The following PCDHA8 variants were observed in gnomAD, a reference collection of about 807,000 sequenced individuals.
PCDHA8 encodes protocadherin alpha-8.
Under a neutral mutation model 61.8 loss-of-function variants are expected in PCDHA8, and 53 were observed. The ratio of observed to expected loss-of-function variants is 0.86; its 90% CI spans 0.69 to 1.08. The LOEUF is 1.08. Among genes scored for constraint, PCDHA8 ranks in the 50% least tolerant of loss-of-function variants. The pLI is 0.00. For synonymous variants in PCDHA8, 618 were observed against 556.6 expected (o/e 1.11, Z -1.55); for missense variants, 1,293 against 1,245.0 (o/e 1.04, Z -0.58).
chr5:140,863,840 G>T (rs2048198603), intron 1 of PCDHA8: 1 of 181,960 alleles, frequency 5.5e-6, no homozygotes, highest in Admixed American at 5.3e-5. Flanking sequence ...CTCTACTAAA[G>T]ATATAAAAAA....
At chr5:140,924,064 G>T (rs1584331926) in intron 1 of PCDHA8, among the ~76,000 whole-genome samples, 1 of 152,172 alleles carries the variant, frequency 6.6e-6, no homozygotes. Context: ...CTTTACAGTT[G>T]TATTTCATCT....
intron 1 of PCDHA8, chr5:140,850,253 C>A: frequency 6.3e-7 from 1 of 1,593,758 alleles, no homozygotes; most frequent in South Asian, 1.1e-5. Flanking sequence ...GGTCGGTGGG[C>A]GCCGGCGTAG....
chr5:140,933,379 G>T (rs1403607512), intron 1 of PCDHA8, among the ~76,000 whole-genome samples: 1 of 151,928 alleles, frequency 6.6e-6, no homozygotes, highest in Non-Finnish European at 1.5e-5. Flanking sequence ...TTCCTTGGCT[G>T]TTCCTAGAGC....
intron 1 of PCDHA8, among the ~76,000 whole-genome samples, chr5:140,872,029 A>C (rs782304127): frequency 7.9e-5 from 12 of 152,224 alleles, no homozygotes; most frequent in Admixed American, 2.6e-4. Context: ...GGAACTGCTA[A>C]GCTCAAAGAA....
chr5:140,927,813 G>A, intron 1 of PCDHA8: 1 of 1,614,176 alleles, frequency 6.2e-7, no homozygotes, highest in Non-Finnish European at 8.5e-7. Context: ...CGCTCTTGGA[G>A]GCATACATTG....
rs2041307506 is a variant in PCDHA8 at position 140,850,030 on chromosome 5, C to A, written c.2394+6315C>A. 3.8e-6 allele frequency: 6 copies of A among 1,596,712 alleles called. 2 individuals carry two copies. The highest frequency in any genetic ancestry group is 5.1e-6 in the Non-Finnish European group (6 of 1,167,808). On this transcript the variant is annotated intron_variant, in intron 1 of 3. Coordinates refer to ENST00000531613, the MANE Select transcript of PCDHA8 (RefSeq NM_018911.3). ...CTGTCGAGCTACGTGTCAGTGCACG[C>A]GGAGAGCGGCAAGGTGTACGCGCTG...
At chr5:140,917,940 G>T (rs2078445007) in intron 1 of PCDHA8, among the ~76,000 whole-genome samples, 1 of 151,950 alleles carries the variant, frequency 6.6e-6, no homozygotes, top group African/African-American at 2.4e-5. Flanking sequence ...AATAATATTG[G>T]TAGTTTGATA....
At chr5:140,988,092 C>T (rs1266366711) in intron 3 of PCDHA8, among the ~76,000 whole-genome samples, 6 of 152,174 alleles carry the variant, frequency 3.9e-5, no homozygotes, top group East Asian at 1.9e-4. Flanking sequence ...AGTGCAGCCT[C>T]GGGCCTTGTT....
chr5:140,985,233 G>C (rs1447323173), intron 3 of PCDHA8, among the ~76,000 whole-genome samples: 4 of 152,084 alleles, frequency 2.6e-5, no homozygotes, highest in Non-Finnish European at 5.9e-5. Flanking sequence ...CACCGCGCCT[G>C]GCCTAATCTT....
chr5:140,852,115 C>A, intron 1 of PCDHA8: 1 of 906,762 alleles, frequency 1.1e-6, no homozygotes, highest in Non-Finnish European at 1.3e-6. Context: ...CAAGGTATGA[C>A]CTAATTAAAA....
At position 140,843,157 on chromosome 5, in the gene PCDHA8, G is replaced by T; in HGVS notation, c.1836G>T (p.Gln612His). The T allele has an allele frequency of 6.3e-7, 1 of 1,596,132 alleles. No individual in the cohort carries two copies. The highest frequency in any genetic ancestry group is 8.6e-7 in the Non-Finnish European group (1 of 1,165,620). Residue 612 changes from glutamine (Q) to histidine (H), a missense_variant, in exon 1 of 4, where the codon CAG becomes CAT. By Grantham distance (24) the Gln-to-His change is conservative. Coordinates refer to ENST00000531613, the MANE Select transcript of PCDHA8 (RefSeq NM_018911.3). ...ACGCGTGGCTTTCGTATGAGCTGCA[G>T]CCAGCTGCAAGCAGCCCTCGCATCC... Reference protein sequence around the residue: ...GYNAWLSYELQPAASSPRIPF... With the variant: ...GYNAWLSYELHPAASSPRIPF...
rs185481644 is a variant in PCDHA8, at chr5:140,906,049, T to C, written c.2394+62334T>C. 1.7e-3 allele frequency among the ~76,000 whole-genome samples: 263 copies of C among 152,304 alleles called. 2 individuals are homozygous for C. Among genetic ancestry groups the C allele is most frequent in the African/African-American group, 5.9e-3 (247 of 41,562 alleles). ...TTCTTCTGTCTGCTTTTATTCTGGC[T>C]GCACTGGCAGCTGATTAGATCGCAC... On this transcript the variant is annotated intron_variant, in intron 1 of 3. Transcript: ENST00000531613.
In PCDHA8 at chr5:140,849,585, C is replaced by A. The variant is rs147876741; in HGVS notation, c.2394+5870C>A. 8 of 1,598,624 alleles carry A rather than the reference C, an allele frequency of 5.0e-6. No homozygotes were observed. Among genetic ancestry groups the A allele is most frequent in the Admixed American group, 3.4e-5 (2 of 59,262 alleles). ...CTCGGTTCCTGTAAAAGAGGACGCA[C>A]AACTGGGGACAGTTATTGCCCTGAT... is the stretch of plus-strand genomic sequence containing the variant. On this transcript the variant is annotated intron_variant, in intron 1 of 3. Transcript: ENST00000531613.
chr5:140,858,733 C>A (rs984187341), intron 1 of PCDHA8: 4 of 475,092 alleles, frequency 8.4e-6, no homozygotes, highest in African/African-American at 8.1e-5. Context: ...TGACGATTTA[C>A]TTTCATAATC....
chr5:140,958,053 G>A (rs2095406506), intron 1 of PCDHA8, among the ~76,000 whole-genome samples: 1 of 152,030 alleles, frequency 6.6e-6, no homozygotes. Context: ...ATAGAAAAAA[G>A]AGAGAAAAAA....
chr5:140,967,810 C>T, intron 1 of PCDHA8: 1 of 1,614,176 alleles, frequency 6.2e-7, no homozygotes, highest in Non-Finnish European at 8.5e-7. Context: ...TGGCAGGTCA[C>T]TGCAAGGTGC....
chr5:140,906,438 G>T (rs1264031299), intron 1 of PCDHA8, among the ~76,000 whole-genome samples: 1 of 152,016 alleles, frequency 6.6e-6, no homozygotes, highest in Non-Finnish European at 1.5e-5. Context: ...TGATAAACAA[G>T]AAAGGAAATA....
chr5:140,851,436 G>C, intron 1 of PCDHA8: 2 of 931,614 alleles, frequency 2.1e-6, no homozygotes, highest in East Asian at 2.3e-4. Context: ...TTAGAAAACA[G>C]TTGCTCCACT....
intron 1 of PCDHA8, chr5:140,853,539 T>A: frequency 1.0e-6 from 1 of 979,080 alleles, no homozygotes; most frequent in South Asian, 4.8e-5. Context: ...TCTTTTCAAG[T>A]TGTAATTACT....
Sources: gnomAD v4.1 joint callset for allele counts (sites outside exome capture counted in the v4.1 genomes callset) on GRCh38, gnomAD v4.1.1 for gene constraint, MANE v1.5 for transcripts, NCBI Gene and HGNC (gene_info 2026-07-23, HGNC 2026-07-21) for gene names.